Variants in SENP6 observed in about 807,000 individuals in gnomAD.
SENP6 encodes sentrin-specific protease 6.
SENP6 carries 41 observed loss-of-function variants against 134.5 expected under a neutral mutation model. The observed-to-expected ratio is 0.30, with a 90% CI of 0.24 to 0.40. SENP6 has a LOEUF of 0.40. Among genes scored for constraint, SENP6 ranks in the 10% least tolerant of loss-of-function variants. SENP6 has a pLI of 1.00. For missense variants in SENP6, 1,248 were observed against 1,312.5 expected (o/e 0.95, Z 0.76); for synonymous variants, 395 against 429.8 (o/e 0.92, Z 1.00).
chr6:75,663,546 C>T (rs758023797), intron 9 of SENP6, 28 bp downstream of exon 9: 1 of 1,528,064 alleles, frequency 6.5e-7, no homozygotes, highest in Non-Finnish European at 8.9e-7. Flanking sequence ...TTTAATATTG[C>T]TTATATCAAT....
chr6:75,699,396 C>T lies in SENP6; in HGVS notation c.2288+1879C>T, dbSNP rs1221694248. The stretch of plus-strand genomic sequence containing the variant: ...TTTTGAAGAGACAAAGCTACAAATA[C>T]TTATACACTAATTATGTTAGATTGG... On this transcript the variant is annotated intron_variant, in intron 18 of 23. Coordinates refer to ENST00000447266, the MANE Select transcript of SENP6 (RefSeq NM_015571.4). Among the ~76,000 whole-genome samples the T allele has an allele frequency of 2.5e-5, 3 of 121,736 alleles. No homozygotes were observed. In the East Asian group the frequency reaches 8.1e-4, roughly 33 times the overall value. The allele number at this position is 121,736 out of a possible 152,430, so 79.9% of individuals were successfully genotyped here.
intron 16 of SENP6, among the ~76,000 whole-genome samples, chr6:75,681,685 A>G (rs990812205): frequency 2.6e-5 from 4 of 152,270 alleles, no homozygotes; most frequent in Admixed American, 2.0e-4. Context: ...CATCATAAAA[A>G]TGTTTTAATG....
intron 1 of SENP6, among the ~76,000 whole-genome samples, chr6:75,613,087 C>T (rs189245893): frequency 1.1e-3 from 167 of 151,434 alleles, no homozygotes; most frequent in African/African-American, 3.8e-3. Context: ...GCACTCCAGC[C>T]TGCGTGACAG....
Position 75,602,227 on chromosome 6 carries a change from G to A in SENP6, c.-298G>A. 1 of 336,768 alleles carries A rather than the reference G, an allele frequency of 3.0e-6. No individual in the cohort carries two copies. Among genetic ancestry groups the A allele is most frequent in the East Asian group, 5.0e-5 (1 of 20,008 alleles). The allele number at this position is 336,768 out of a possible 1,614,324, so 20.9% of individuals were successfully genotyped here. ...GGCGGTGGATGGGGAGTCGTGGGCC[G>A]AGAGGAACCGGGCCCGGGAAGCGCC... On this transcript the variant is annotated 5_prime_UTR_variant, in exon 1 of 24. Transcript: ENST00000447266.
intron 9 of SENP6, among the ~76,000 whole-genome samples, chr6:75,664,346 A>G (rs557676528): frequency 6.6e-6 from 1 of 152,070 alleles, no homozygotes; most frequent in Non-Finnish European, 1.5e-5. Context: ...CATTAAAAAT[A>G]TAGTTCATGG....
At chr6:75,670,031 T>G (rs1772548155) in intron 10 of SENP6, among the ~76,000 whole-genome samples, 1 of 152,146 alleles carries the variant, frequency 6.6e-6, no homozygotes, top group Admixed American at 6.5e-5. Context: ...CCTCCCAGGT[T>G]TAAGCAGTTC....
chr6:75,638,771 CAG>C (rs1041877788), intron 5 of SENP6, among the ~76,000 whole-genome samples: 1 of 150,856 alleles, frequency 6.6e-6, no homozygotes, highest in Non-Finnish European at 1.5e-5. Context: ...TAAAAAACAA[CAG>C]AGGCCGGACA....
intron 5 of SENP6, among the ~76,000 whole-genome samples, chr6:75,636,042 A>G (rs1384241199): frequency 6.6e-6 from 1 of 151,822 alleles, no homozygotes; most frequent in African/African-American, 2.4e-5. Flanking sequence ...CTCACTGGTA[A>G]TGTTAAAAAA....
At chr6:75,630,982 T>C (rs1010697254) in intron 3 of SENP6, among the ~76,000 whole-genome samples, 3 of 152,180 alleles carry the variant, frequency 2.0e-5, no homozygotes, top group African/African-American at 7.2e-5. Context: ...AATTTACTTT[T>C]ATCTTTAGCT....
At chr6:75,653,660 GTT>G (rs35936649) in intron 7 of SENP6, among the ~76,000 whole-genome samples, 2 of 146,110 alleles carry the variant, frequency 1.4e-5, no homozygotes, top group East Asian at 3.9e-4. Context: ...GGAATGTTGT[GTT>G]TTTTTTTTTT....
rs533850623 is a variant in SENP6 at position 75,653,330 on chromosome 6, C to T, written c.550+5529C>T. On this transcript the variant is annotated intron_variant, in intron 7 of 23. Coordinates refer to ENST00000447266, the MANE Select transcript of SENP6 (RefSeq NM_015571.4). ...ACAGGCATGAGCCACTGTGCCTGGC[C>T]TTACTTTTTTCTAATGTTGTCAAAT... is the stretch of plus-strand genomic sequence containing the variant. 9.0e-4 allele frequency among the ~76,000 whole-genome samples: 137 copies of T among 152,308 alleles called. 1 individual carries two copies. The highest frequency in any genetic ancestry group is 3.3e-3 in the African/African-American group (137 of 41,572).
chr6:75,662,569 A>G (rs998354555), intron 8 of SENP6, among the ~76,000 whole-genome samples: 7 of 152,190 alleles, frequency 4.6e-5, no homozygotes, highest in Admixed American at 4.6e-4. Context: ...ATAAAATGTT[A>G]ATCTCTAGTT....
chr6:75,680,859 A>T (rs557615281), intron 16 of SENP6, among the ~76,000 whole-genome samples: 5 of 152,240 alleles, frequency 3.3e-5, no homozygotes, highest in African/African-American at 1.2e-4. Context: ...ATGAGGTAAC[A>T]CCCTACTACC....
intron 9 of SENP6, among the ~76,000 whole-genome samples, chr6:75,665,568 T>G (rs184877556): frequency 6.6e-6 from 1 of 152,338 alleles, no homozygotes; most frequent in African/African-American, 2.4e-5. Context: ...GAGATAGATT[T>G]GCTACGATTC....
chr6:75,681,652 A>G lies in SENP6; in HGVS notation c.2075+2725A>G, dbSNP rs72654736. ...TTTCAGGTAGTTCTTTAGAGCAGTGAGAGAACGGACTGATACAGCATCCAT... is the reference window on the plus strand; with the variant it reads ...TTTCAGGTAGTTCTTTAGAGCAGTGGGAGAACGGACTGATACAGCATCCAT... On this transcript the variant is annotated intron_variant, in intron 16 of 23. Coordinates refer to ENST00000447266, the MANE Select transcript of SENP6 (RefSeq NM_015571.4). Among the ~76,000 whole-genome samples, 1,607 of 152,206 alleles carry G rather than the reference A, an allele frequency of 0.011. 59 individuals carry two copies. The East Asian group carries it at 0.14, about 13-fold the overall frequency.
intron 7 of SENP6, among the ~76,000 whole-genome samples, chr6:75,651,332 C>G (rs1770844230): frequency 6.6e-6 from 1 of 152,068 alleles, no homozygotes; most frequent in Non-Finnish European, 1.5e-5. Flanking sequence ...TAATTTAGCA[C>G]TGCTTAACAC....
chr6:75,656,091 T>G (rs1349587961), intron 7 of SENP6, among the ~76,000 whole-genome samples: 1 of 151,778 alleles, frequency 6.6e-6, no homozygotes, highest in Non-Finnish European at 1.5e-5. Context: ...GACGCATGCC[T>G]GTAATCCCAG....
In SENP6 at chr6:75,703,030, A is replaced by T. The variant is rs187628440; in HGVS notation, c.2674A>T (p.Asn892Tyr). 4,999 of 1,612,990 alleles carry T rather than the reference A, an allele frequency of 3.1e-3. 15 individuals carry two copies. Among genetic ancestry groups the T allele is most frequent in the Non-Finnish European group, 4.0e-3 (4,679 of 1,179,610 alleles). The change falls in exon 19 of 24, where the codon AAT becomes TAT. Residue 892 changes from asparagine (N) to tyrosine (Y), a missense_variant. By Grantham distance (143) the Asn-to-Tyr change is moderately radical. This residue lies in a region of SENP6 where 386 missense variants were observed against 395.0 expected (regional missense o/e 0.98). Coordinates refer to ENST00000447266, the MANE Select transcript of SENP6 (RefSeq NM_015571.4). ...QKVADRTKSE[N>Y]GLQNESLSST... ...AGTTGCTGATAGGACTAAAAGTGAG[A>T]ATGGCCTACAGAATGAAAGTTTAAG...
At chr6:75,656,270 C>T (rs1327031758) in intron 7 of SENP6, among the ~76,000 whole-genome samples, 1 of 151,362 alleles carries the variant, frequency 6.6e-6, no homozygotes, top group East Asian at 1.9e-4. Context: ...TAGGGAGTAT[C>T]CTAATCTTCA....
Sources: allele counts gnomAD v4.1 joint callset (sites outside exome capture counted in the v4.1 genomes callset), GRCh38; gene constraint gnomAD v4.1.1; regional missense constraint gnomAD v4.1.1; transcripts MANE v1.5; gene names NCBI Gene and HGNC (gene_info 2026-07-23, HGNC 2026-07-21).